The following ABCC3 variants were observed in gnomAD, a reference collection of about 807,000 sequenced individuals.
ABCC3 encodes the protein ATP binding cassette subfamily C member 3.
Under a neutral mutation model 165.3 loss-of-function variants are expected in ABCC3, and 121 were observed. That is an observed-to-expected ratio of 0.73 (90% CI 0.63 to 0.85). ABCC3 has a LOEUF of 0.85. Ranked by LOEUF, ABCC3 falls within the 40% of genes least tolerant of loss-of-function variation. ABCC3 has a pLI of 0.00. For missense variants in ABCC3, 1,869 were observed against 1,964.1 expected, an observed-to-expected ratio of 0.95 and a Z score of 0.92; for synonymous variants, 733 against 810.1, an observed-to-expected ratio of 0.90 and a Z score of 1.62.
intron 4 of ABCC3, among the ~76,000 whole-genome samples, 163 bp from the exon 5 acceptor site, chr17:50,657,919 G>A (rs931637014): frequency 4.6e-5 from 7 of 152,186 alleles, no homozygotes; most frequent in African/African-American, 1.7e-4. Flanking sequence ...GCTCCCTTGT[G>A]ATCCTTCCTC....
At position 50,675,634 on chromosome 17, in the gene ABCC3, G is replaced by A. The variant is rs34590740; in HGVS notation, c.2718G>A (p.Gln906=). 9,535 of 1,566,766 alleles carry A rather than the reference G, an allele frequency of 6.1e-3. 32 individuals carry two copies. The highest frequency in any genetic ancestry group is 7.2e-3 in the Non-Finnish European group (8,265 of 1,155,840). The change falls in exon 21 of 31, where the codon CAG becomes CAA. Residue 906 remains glutamine, a synonymous_variant. Coordinates refer to ENST00000285238, the MANE Select transcript of ABCC3 (RefSeq NM_003786.4). The part of the protein sequence containing the change: ...TYVVQKQFMR[Q]LSALSSDGEG... Reference sequence around the variant, plus strand: ...GCCTGACCAGCTGCCTCCACAGACAGCTGAGTGCCCTGTCCTCAGATGGGG... The same window carrying A: ...GCCTGACCAGCTGCCTCCACAGACAACTGAGTGCCCTGTCCTCAGATGGGG...
chr17:50,674,831 A>C (rs1597857474), intron 19 of ABCC3, among the ~76,000 whole-genome samples: 4 of 130,326 alleles, frequency 3.1e-5, no homozygotes, highest in Admixed American at 8.3e-5. Context: ...ACAGTTTCTC[A>C]CTCTGTTGCC....
At chr17:50,671,377 A>G (rs1382706806) in intron 17 of ABCC3, among the ~76,000 whole-genome samples, 1 of 152,180 alleles carries the variant, frequency 6.6e-6, no homozygotes, top group Non-Finnish European at 1.5e-5. Context: ...TGCAAAACTA[A>G]AATTGTGCCT....
intron 1 of ABCC3, among the ~76,000 whole-genome samples, chr17:50,641,170 T>C (rs4148409): frequency 0.094 from 14,306 of 152,288 alleles, 911 homozygotes; most frequent in African/African-American, 0.18. Context: ...AAGTCTGCCA[T>C]GAGGGGGCCT....
At position 50,663,001 on chromosome 17, in the gene ABCC3, C is replaced by T. The variant is rs138465121; in HGVS notation, c.999-680C>T. 5.2e-3 allele frequency among the ~76,000 whole-genome samples: 789 copies of T among 152,046 alleles called. 1 individual carries two copies. Among genetic ancestry groups the T allele is most frequent in the Admixed American group, 0.011 (164 of 15,270 alleles). On this transcript the variant is annotated intron_variant, in intron 8 of 30. Coordinates refer to ENST00000285238, the MANE Select transcript of ABCC3 (RefSeq NM_003786.4). Reference sequence around the variant, plus strand: ...GAGGAGGCAGAGGAAGGCCAGGGCTCGGGGGCAGGGGCAGCCTCCGACAGC... The same window carrying T: ...GAGGAGGCAGAGGAAGGCCAGGGCTTGGGGGCAGGGGCAGCCTCCGACAGC...
intron 29 of ABCC3, among the ~76,000 whole-genome samples, chr17:50,687,141 A>G (rs1370844331): frequency 6.6e-6 from 1 of 152,178 alleles, no homozygotes; most frequent in African/African-American, 2.4e-5. Context: ...GCAAGATGGC[A>G]TCGTGTGGCC....
At position 50,659,086 on chromosome 17, in the gene ABCC3, GA is replaced by G. The variant is rs1967320585; in HGVS notation, c.675-148del. On this transcript the variant is annotated intron_variant, in intron 6 of 30. Transcript: ENST00000285238. ...AGTGACCTCAAGCCTATTCACTGAG[GA>G]AATGAAGGAGACACCTTTCATGGTC... 3.3e-6 allele frequency: 3 copies of G among 906,384 alleles called. No individual in the cohort carries two copies. The South Asian group carries it at 5.2e-5, about 16-fold the overall frequency. The allele number at this position is 906,384 out of a possible 1,614,324, so 56.1% of individuals were successfully genotyped here.
chr17:50,656,702 G>T lies in ABCC3; in HGVS notation c.223G>T (p.Val75Phe). 1 of 1,611,808 alleles carries T rather than the reference G, an allele frequency of 6.2e-7. No homozygotes were observed. The highest frequency in any genetic ancestry group is 8.5e-7 in the Non-Finnish European group (1 of 1,179,032). Residue 75 changes from valine to phenylalanine, a missense_variant and splice_region_variant, in exon 3 of 31, where the codon GTC (valine) becomes TTC (phenylalanine). Val to Phe is a conservative substitution (Grantham distance 50). Transcript: ENST00000285238. ...ILSHLSKLKM[V>F]LGVLLWCVSW... ...ATTCCAACCTGTGCTCTCTTCGCAG[G>T]TCCTGGGTGTCCTGCTGTGGTGCGT...
intron 10 of ABCC3, chr17:50,664,702 C>CAAAAA (rs58513664): frequency 1.7e-4 from 8 of 47,964 alleles, no homozygotes; most frequent in Non-Finnish European, 2.6e-4. Flanking sequence ...GACTCTGTCT[C>CAAAAA]AAAAAAAAAA....
rs369513532 is a variant in ABCC3, at chr17:50,691,084, T to C, written c.4476-8T>C. Reference sequence around the variant, plus strand: ...GGAAACCTGACCACTTCTCTCTTTTTTGACTAGGGTCCTGGTCCTGGACAA... The same window carrying C: ...GGAAACCTGACCACTTCTCTCTTTTCTGACTAGGGTCCTGGTCCTGGACAA... On this transcript the variant is annotated splice_polypyrimidine_tract_variant and splice_region_variant and intron_variant, in intron 30 of 30. Coordinates refer to ENST00000285238, the MANE Select transcript of ABCC3 (RefSeq NM_003786.4). The C allele has an allele frequency of 8.7e-6, 14 of 1,610,878 alleles. No homozygotes were observed. Among genetic ancestry groups the C allele is most frequent in the Non-Finnish European group, 1.1e-5 (13 of 1,177,090 alleles).
chr17:50,639,930 A>T (rs2146585958), intron 1 of ABCC3, among the ~76,000 whole-genome samples: 1 of 152,050 alleles, frequency 6.6e-6, no homozygotes, highest in East Asian at 1.9e-4. Flanking sequence ...TGCCCGGCTA[A>T]TTTTTGTATT....
intron 1 of ABCC3, among the ~76,000 whole-genome samples, chr17:50,644,430 GGC>G (rs1332512892): frequency 1.3e-5 from 2 of 151,626 alleles, no homozygotes; most frequent in Non-Finnish European, 2.9e-5. Flanking sequence ...GCTAGAACTT[GGC>G]CAGGCATGGT....
At chr17:50,656,068 TTTTAA>T in intron 2 of ABCC3, 60 bp downstream of exon 2, 1 of 1,291,962 alleles carries the variant, frequency 7.7e-7, no homozygotes, top group Non-Finnish European at 1.0e-6. Flanking sequence ...TGCTTTTATT[TTTTAA>T]TTTAATTAAA....
chr17:50,691,981 A>G lies in ABCC3; in HGVS notation c.*781A>G, dbSNP rs1311405993. 6.6e-6 allele frequency: 1 copy of G among 152,264 alleles called. No individual in the cohort carries two copies. The highest frequency in any genetic ancestry group is 1.5e-5 in the Non-Finnish European group (1 of 68,076). 9.4% of individuals were successfully genotyped at this position (152,264 alleles called of 1,614,324 possible). ...AGCTGCTGTGAACACCTCCACGTTA[A>G]TGTCATCCCTCAGCCCTCTATGCCT... On this transcript the variant is annotated 3_prime_UTR_variant, in exon 31 of 31. Coordinates refer to ENST00000285238, the MANE Select transcript of ABCC3 (RefSeq NM_003786.4).
At chr17:50,647,706 G>A (rs917169516) in intron 1 of ABCC3, among the ~76,000 whole-genome samples, 1 of 152,214 alleles carries the variant, frequency 6.6e-6, no homozygotes, top group African/African-American at 2.4e-5. Context: ...CACTGTTGCA[G>A]GGAGGTCCTG....
chr17:50,662,497 G>T (rs955890602), intron 8 of ABCC3, among the ~76,000 whole-genome samples: 1 of 152,046 alleles, frequency 6.6e-6, no homozygotes, highest in Non-Finnish European at 1.5e-5. Context: ...TATTAGCCAG[G>T]CCTGGTGGCA....
chr17:50,673,920 CTTTCTTTCTTT>C (rs1967710258), intron 19 of ABCC3, among the ~76,000 whole-genome samples: 1 of 13,968 alleles, frequency 7.2e-5, no homozygotes, highest in African/African-American at 3.7e-4. Flanking sequence ...TTCTTTCTTT[CTTTCTTTCTTT>C]CTTTCTTTCT....
rs143419629 is a variant in ABCC3 at position 50,673,919 on chromosome 17, T to C, written c.2599+261T>C. 5.1e-3 allele frequency among the ~76,000 whole-genome samples: 72 copies of C among 14,014 alleles called. 1 individual carries two copies. In the East Asian group the frequency reaches 0.074, roughly 14 times the overall value. 9.2% of individuals were successfully genotyped at this position (14,014 alleles called of 152,430 possible). On this transcript the variant is annotated intron_variant, in intron 19 of 30. Transcript: ENST00000285238. ...AGCCTGTTTTCTTTCTTTCTTTCTT[T>C]CTTTCTTTCTTTCTTTCTTTCTTTC... is the stretch of plus-strand genomic sequence containing the variant.
chr17:50,676,408 C>T lies in ABCC3; in HGVS notation c.3198C>T (p.Gly1066=). ...PQSFFDTTPS[G]RILNCFSKDI... ...CCTTCTTTGACACCACACCATCAGG[C>T]CGCATCCTGAACTGCTTCTCCAAGG... The change falls in exon 23 of 31, where the codon GGC becomes GGT. Residue 1066 remains glycine (G), a synonymous_variant. Coordinates refer to ENST00000285238, the MANE Select transcript of ABCC3 (RefSeq NM_003786.4). 1 of 1,614,234 alleles carries T rather than the reference C, an allele frequency of 6.2e-7. No individual in the cohort carries two copies. The highest frequency in any genetic ancestry group is 8.5e-7 in the Non-Finnish European group (1 of 1,180,040).
Sources: gnomAD v4.1 joint callset for allele counts (sites outside exome capture counted in the v4.1 genomes callset) on GRCh38, gnomAD v4.1.1 for gene constraint, MANE v1.5 for transcripts, NCBI Gene and HGNC (gene_info 2026-07-23, HGNC 2026-07-21) for gene names.